Variants in ULK4 observed in about 807,000 individuals in gnomAD.
ULK4 encodes inactive serine/threonine-protein kinase ULK4.
ULK4 carries 133 observed loss-of-function variants against 160.6 expected under a neutral mutation model. That is an observed-to-expected ratio of 0.83 (90% CI 0.72 to 0.96). The LOEUF (loss-of-function observed/expected upper bound fraction) is 0.96. ULK4 is among the 40% of genes least tolerant of loss of function. The pLI, the probability that ULK4 is intolerant of heterozygous loss-of-function variation, is 0.00. For missense variants in ULK4, 1,580 were observed against 1,499.5 expected (o/e 1.05, Z -0.89); for synonymous variants, 534 against 539.8 (o/e 0.99, Z 0.15).
intron 22 of ULK4, among the ~76,000 whole-genome samples, chr3:41,736,652 C>T (rs1171946161): frequency 6.6e-6 from 1 of 151,310 alleles, no homozygotes; most frequent in African/African-American, 2.5e-5. Flanking sequence ...TGCCTGTTCA[C>T]TCTGATGGTA....
chr3:41,414,428 T>G (rs2082480665), intron 34 of ULK4, among the ~76,000 whole-genome samples: 1 of 152,164 alleles, frequency 6.6e-6, no homozygotes, highest in Non-Finnish European at 1.5e-5. Flanking sequence ...ACAGTTGTGT[T>G]GTATTTACTT....
intron 19 of ULK4, among the ~76,000 whole-genome samples, chr3:41,804,314 C>A (rs1337323952): frequency 2.0e-5 from 3 of 152,284 alleles, no homozygotes; most frequent in East Asian, 1.9e-4. Flanking sequence ...ATGTCCTTCG[C>A]CCACTTTGTG....
chr3:41,329,819 G>A (rs11707128), intron 35 of ULK4, among the ~76,000 whole-genome samples: 35,207 of 151,934 alleles, frequency 0.23, 4,225 homozygotes, highest in African/African-American at 0.25. Context: ...AATCATTTGA[G>A]TGAAAAAATA....
chr3:41,785,212 T>A (rs1267511908), intron 21 of ULK4, among the ~76,000 whole-genome samples: 1 of 151,986 alleles, frequency 6.6e-6, no homozygotes, highest in Non-Finnish European at 1.5e-5. Context: ...GGAGGAAGAG[T>A]TAAATTATTG....
chr3:41,424,832 A>AG, intron 34 of ULK4, among the ~76,000 whole-genome samples: 1 of 29,402 alleles, frequency 3.4e-5, no homozygotes, highest in South Asian at 1.1e-3. Flanking sequence ...AGAAATCATC[A>AG]AAAAAAAAAA....
chr3:41,938,298 G>T, intron 2 of ULK4, 101 bp from the exon 3 acceptor site: 2 of 833,376 alleles, frequency 2.4e-6, no homozygotes, highest in Non-Finnish European at 3.6e-6. Context: ...ATAAGAAAAT[G>T]GTGACATTTA....
Position 41,931,143 on chromosome 3 carries a change from A to G in ULK4, c.541+701T>C, listed in dbSNP as rs368881298. Among the ~76,000 whole-genome samples, 7 of 152,220 alleles carry G rather than the reference A, an allele frequency of 4.6e-5. No homozygotes were observed. The East Asian group carries it at 1.3e-3, about 29-fold the overall frequency. ...TGGCACATATACACCACAGAATACTATGCAGCCATAAAAAAGGATGAGTTC... is the reference window on the plus strand; with the variant it reads ...TGGCACATATACACCACAGAATACTGTGCAGCCATAAAAAAGGATGAGTTC... On this transcript the variant is annotated intron_variant, in intron 5 of 36. Transcript: ENST00000301831.
chr3:41,385,984 G>A (rs2081799166), intron 35 of ULK4, among the ~76,000 whole-genome samples: 1 of 152,108 alleles, frequency 6.6e-6, no homozygotes, highest in Admixed American at 6.6e-5. Flanking sequence ...TCGCAAGCCT[G>A]GATGCTTATT....
At chr3:41,638,828 G>A (rs2034064364) in intron 30 of ULK4, among the ~76,000 whole-genome samples, 1 of 152,196 alleles carries the variant, frequency 6.6e-6, no homozygotes, top group Admixed American at 6.5e-5. Context: ...ATTCCATTCA[G>A]TCAGGCTTCA....
At chr3:41,887,473 G>A (rs1575888217) in intron 16 of ULK4, among the ~76,000 whole-genome samples, 1 of 152,180 alleles carries the variant, frequency 6.6e-6, no homozygotes, top group South Asian at 2.1e-4. Context: ...TGTAGTGAAA[G>A]GAGAAAAGTA....
intron 32 of ULK4, among the ~76,000 whole-genome samples, chr3:41,561,040 C>T (rs945090925): frequency 2.0e-5 from 3 of 152,200 alleles, no homozygotes; most frequent in Admixed American, 6.5e-5. Context: ...TACGTTCCTT[C>T]AATACCTAGT....
intron 22 of ULK4, among the ~76,000 whole-genome samples, chr3:41,748,232 C>T (rs11917893): frequency 0.18 from 19,794 of 108,536 alleles, 4,236 homozygotes; most frequent in African/African-American, 0.55. Flanking sequence ...TATATATATA[C>T]ACACACACAC....
chr3:41,523,832 G>A (rs1432702125), intron 32 of ULK4, among the ~76,000 whole-genome samples: 5 of 152,032 alleles, frequency 3.3e-5, no homozygotes, highest in Admixed American at 6.5e-5. Context: ...GTCCATGAAT[G>A]TTTATACAGC....
intron 18 of ULK4, among the ~76,000 whole-genome samples, chr3:41,823,352 G>C (rs532980003): frequency 2.1e-4 from 32 of 152,308 alleles, no homozygotes; most frequent in Middle Eastern, 3.4e-3. Context: ...AGGTCAGACA[G>C]GTTCTGAAGA....
chr3:41,307,671 T>A (rs1306073883), intron 35 of ULK4, among the ~76,000 whole-genome samples: 2 of 151,998 alleles, frequency 1.3e-5, no homozygotes, highest in Non-Finnish European at 2.9e-5. Context: ...TACAAATATA[T>A]TTTAAAAATT....
chr3:41,670,848 T>G (rs987805980), intron 29 of ULK4, among the ~76,000 whole-genome samples: 3 of 152,054 alleles, frequency 2.0e-5, no homozygotes, highest in Non-Finnish European at 2.9e-5. Context: ...AGAATTATCC[T>G]GATTGAGAGG....
At chr3:41,501,380 C>T (rs908867812) in intron 32 of ULK4, among the ~76,000 whole-genome samples, 1 of 152,120 alleles carries the variant, frequency 6.6e-6, no homozygotes, top group Non-Finnish European at 1.5e-5. Flanking sequence ...CACCTGTGGT[C>T]CCAGCTACTC....
intron 34 of ULK4, among the ~76,000 whole-genome samples, chr3:41,416,602 G>C (rs2082531982): frequency 6.6e-6 from 1 of 152,130 alleles, no homozygotes; most frequent in Non-Finnish European, 1.5e-5. Context: ...AATACTTAGT[G>C]ATACTACAGA....
At chr3:41,648,832 G>A (rs569158091) in intron 30 of ULK4, among the ~76,000 whole-genome samples, 5 of 152,198 alleles carry the variant, frequency 3.3e-5, no homozygotes, top group South Asian at 2.1e-4. Context: ...ATCAGAAAAC[G>A]CAGTAAAAAG....
Sources: gnomAD v4.1 joint callset for allele counts (sites outside exome capture counted in the v4.1 genomes callset) on GRCh38, gnomAD v4.1.1 for gene constraint, MANE v1.5 for transcripts, NCBI Gene and HGNC (gene_info 2026-07-23, HGNC 2026-07-21) for gene names.